Variants in RAC1 observed in about 807,000 individuals in gnomAD.
RAC1 encodes Rac family small GTPase 1.
In RAC1, 2 loss-of-function variants were observed where a neutral mutation model predicts 25.2. The observed-to-expected ratio is 0.08, with a 90% CI of 0.03 to 0.25. The LOEUF (loss-of-function observed/expected upper bound fraction) is 0.25. RAC1 is among the 10% of genes least tolerant of loss of function. The pLI, the probability that RAC1 is intolerant of heterozygous loss-of-function variation, is 1.00. For missense variants in RAC1, 50 were observed against 235.7 expected (o/e 0.21, Z 5.16); for synonymous variants, 88 against 94.0 (o/e 0.94, Z 0.37).
intron 3 of RAC1, among the ~76,000 whole-genome samples, chr7:6,396,236 C>T (rs1373207267): frequency 7.2e-5 from 11 of 152,132 alleles, no homozygotes; most frequent in Admixed American, 7.2e-4. Flanking sequence ...GGAGAGACAC[C>T]GGTGGTGCCC....
chr7:6,374,932 C>G (rs1212699598), intron 1 of RAC1, among the ~76,000 whole-genome samples, 162 bp downstream of exon 1: 1 of 151,310 alleles, frequency 6.6e-6, no homozygotes, highest in African/African-American at 2.4e-5. Context: ...GGCGCCCCCA[C>G]CGGACCCTGA....
chr7:6,395,160 T>A (rs1457430170), intron 3 of RAC1, among the ~76,000 whole-genome samples: 1 of 152,028 alleles, frequency 6.6e-6, no homozygotes, highest in Non-Finnish European at 1.5e-5. Context: ...AGACGGGGGT[T>A]TCTCCACTTT....
At chr7:6,375,072 G>A (rs1013921063) in intron 1 of RAC1, among the ~76,000 whole-genome samples, 25 of 152,062 alleles carry the variant, frequency 1.6e-4, no homozygotes, top group Non-Finnish European at 2.8e-4. Flanking sequence ...CTCCTCGGGA[G>A]CGCTCGTAGA....
chr7:6,375,947 G>C (rs936839676), intron 1 of RAC1: 1 of 152,070 alleles, frequency 6.6e-6, no homozygotes, highest in East Asian at 1.9e-4. Context: ...ATTACTACCA[G>C]TTTAATCAAA....
intron 2 of RAC1, among the ~76,000 whole-genome samples, chr7:6,390,096 C>CTTTTTTTTTTTTTTTTTT (rs34547258): frequency 9.3e-5 from 7 of 74,914 alleles, no homozygotes; most frequent in East Asian, 7.7e-4. Flanking sequence ...CCCTCCCTCC[C>CTTTTTTTTTTTTTTTTTT]TTTTTTTTTT....
At chr7:6,390,629 C>T (rs1365874189) in intron 2 of RAC1, among the ~76,000 whole-genome samples, 8 of 150,328 alleles carry the variant, frequency 5.3e-5, no homozygotes, top group Non-Finnish European at 1.0e-4. Flanking sequence ...ATGATAATAC[C>T]ACCTCTCCCT....
At chr7:6,398,420 C>G (rs1171674016) in intron 3 of RAC1, among the ~76,000 whole-genome samples, 4 of 152,302 alleles carry the variant, frequency 2.6e-5, no homozygotes, top group Admixed American at 6.5e-5. Context: ...TTGTTGCCCC[C>G]CCTCAGGATC....
At position 6,376,238 on chromosome 7, in the gene RAC1, A is replaced by G. The variant is rs1011655035; in HGVS notation, c.35+1468A>G. Among the ~76,000 whole-genome samples, 4 of 121,550 alleles carry G rather than the reference A, an allele frequency of 3.3e-5. No individual in the cohort carries two copies. In the East Asian group the frequency reaches 1.1e-3, roughly 35 times the overall value. 79.7% of individuals were successfully genotyped at this position (121,550 alleles called of 152,430 possible). ...CACTCTGTTGCCCAGGCTGGAGTGC[A>G]GTGGCACGATTTCGGCTCACTACAA... On this transcript the variant is annotated intron_variant, in intron 1 of 5. Coordinates refer to ENST00000348035, the MANE Select transcript of RAC1 (RefSeq NM_006908.5).
In RAC1 at chr7:6,374,700, C is replaced by T. The variant is rs1782528546; in HGVS notation, c.-36C>T. On this transcript the variant is annotated 5_prime_UTR_variant, in exon 1 of 6. Coordinates refer to ENST00000348035, the MANE Select transcript of RAC1 (RefSeq NM_006908.5). ...AGCCCGCCGCTTCCTATCTCAGCGC[C>T]CTGCCGCCGCCGCCGCGGCCCAGCG... 9.2e-7 allele frequency: 1 copy of T among 1,087,798 alleles called. No homozygotes were observed. The highest frequency in any genetic ancestry group is 1.1e-6 in the Non-Finnish European group (1 of 895,310). The allele number at this position is 1,087,798 out of a possible 1,614,324, so 67.4% of individuals were successfully genotyped here.
intron 3 of RAC1, 95 bp from the exon 4 acceptor site, chr7:6,400,021 ACGCTCTGCGT>A: frequency 3.9e-6 from 4 of 1,028,332 alleles, no homozygotes; most frequent in Non-Finnish European, 6.1e-6. Context: ...ACTGGTAGAC[ACGCTCTGCGT>A]CCAACAAGTC....
rs373206025 is a variant in RAC1 at position 6,401,859 on chromosome 7, C to A, written c.289-9C>A. On this transcript the variant is annotated splice_polypyrimidine_tract_variant and intron_variant, in intron 4 of 5. Coordinates refer to ENST00000348035, the MANE Select transcript of RAC1 (RefSeq NM_006908.5). ...CGTGTCACAACCTCTGTTCCTTCTT[C>A]ACATCTAGTGGTATCCTGAGGTGCG... The A allele has an allele frequency of 5.6e-6, 9 of 1,608,990 alleles. No homozygotes were observed. The highest frequency in any genetic ancestry group is 7.6e-6 in the Non-Finnish European group (9 of 1,177,308).
chr7:6,387,807 A>G (rs1373713696), intron 2 of RAC1, among the ~76,000 whole-genome samples: 1 of 152,192 alleles, frequency 6.6e-6, no homozygotes, highest in Non-Finnish European at 1.5e-5. Context: ...CCAGAAAGCA[A>G]ACTTTAACTG....
At chr7:6,394,627 C>A (rs942012749) in intron 3 of RAC1, among the ~76,000 whole-genome samples, 3 of 152,124 alleles carry the variant, frequency 2.0e-5, no homozygotes, top group African/African-American at 4.8e-5. Flanking sequence ...TCAGCCAGGA[C>A]CCCAGTGCGT....
intron 1 of RAC1, among the ~76,000 whole-genome samples, chr7:6,379,999 T>C (rs571436791): frequency 1.4e-4 from 22 of 152,338 alleles, no homozygotes; most frequent in African/African-American, 4.8e-4. Context: ...TTTCACTCTT[T>C]ATACAAAGTG....
At chr7:6,399,976 CTG>C in intron 3 of RAC1, 148 bp from the exon 4 acceptor site, 1 of 681,296 alleles carries the variant, frequency 1.5e-6, no homozygotes, top group South Asian at 1.8e-5. Flanking sequence ...CTCTGACAAA[CTG>C]AAAGGGTGGA....
intron 3 of RAC1, among the ~76,000 whole-genome samples, chr7:6,395,935 C>T (rs1358448683): frequency 6.6e-6 from 1 of 152,166 alleles, no homozygotes; most frequent in Non-Finnish European, 1.5e-5. Flanking sequence ...CCCGCCCTGT[C>T]TTACTCCATG....
At chr7:6,398,129 A>G (rs1783298788) in intron 3 of RAC1, among the ~76,000 whole-genome samples, 1 of 152,230 alleles carries the variant, frequency 6.6e-6, no homozygotes, top group African/African-American at 2.4e-5. Flanking sequence ...TAGGTGGAAG[A>G]TAGGAACATT....
At chr7:6,381,464 C>T (rs905480766) in intron 1 of RAC1, among the ~76,000 whole-genome samples, 2 of 150,282 alleles carry the variant, frequency 1.3e-5, no homozygotes, top group African/African-American at 2.5e-5. Context: ...ACGAAATCAG[C>T]TCACTGCAAC....
rs35121604 is a variant in RAC1, at chr7:6,393,795, C to T, written c.225+1754C>T. 7.9e-3 allele frequency among the ~76,000 whole-genome samples: 1,201 copies of T among 152,200 alleles called. 34 individuals carry two copies. In the East Asian group the frequency reaches 0.11, roughly 14 times the overall value. On this transcript the variant is annotated intron_variant, in intron 3 of 5. Transcript: ENST00000348035. ...TGTGCTAGCAAGGGGGTGAGCCGGGCGCTTAAGGAGCAAGAGGGGCGAGCA... is the reference window on the plus strand; with the variant it reads ...TGTGCTAGCAAGGGGGTGAGCCGGGTGCTTAAGGAGCAAGAGGGGCGAGCA...
Sources: allele counts gnomAD v4.1 joint callset (sites outside exome capture counted in the v4.1 genomes callset), GRCh38; gene constraint gnomAD v4.1.1; transcripts MANE v1.5; gene names NCBI Gene and HGNC (gene_info 2026-07-23, HGNC 2026-07-21).